ROPN1B: variants seen among roughly 807,000 people sequenced by gnomAD.
ROPN1B encodes the protein ropporin-1B.
Under a neutral mutation model 23.7 loss-of-function variants are expected in ROPN1B, and 13 were observed. That is an observed-to-expected ratio of 0.55 (90% CI 0.36 to 0.87). ROPN1B has a LOEUF of 0.87. Among genes scored for constraint, ROPN1B ranks in the 40% least tolerant of loss-of-function variants. ROPN1B has a pLI of 0.01. For synonymous variants in ROPN1B, 67 were observed against 100.4 expected (o/e 0.67, Z 1.99); for missense variants, 183 against 249.2 (o/e 0.73, Z 1.79).
chr3:125,977,507 C>T (rs1460141451), intron 5 of ROPN1B: 1 of 384,118 alleles, frequency 2.6e-6, no homozygotes, highest in African/African-American at 2.1e-5. Context: ...TAGAAAAAGA[C>T]TTCCAGACAC....
Position 125,975,611 on chromosome 3 carries a change from G to C in ROPN1B, c.165G>C (p.Arg55=). The change falls in exon 4 of 7, where the codon CGG becomes CGC. Residue 55 remains arginine (R), a synonymous_variant. Coordinates refer to ENST00000514116, the MANE Select transcript of ROPN1B (RefSeq NM_001308313.2). ...SRGETPPVRE[R]SERVALCNWA... The stretch of plus-strand genomic sequence containing the variant: ...GAGAGACGCCTCCGGTGAGAGAGCG[G>C]TCTGAGCGAGTCGCTTTGTGTAACT... 6.2e-7 allele frequency: 1 copy of C among 1,614,120 alleles called. No individual in the cohort carries two copies. The highest frequency in any genetic ancestry group is 8.5e-7 in the Non-Finnish European group (1 of 1,180,016).
chr3:125,982,287 C>T lies in ROPN1B; in HGVS notation c.414C>T (p.Leu138=), dbSNP rs777647938. 2 of 1,609,190 alleles carry T rather than the reference C, an allele frequency of 1.2e-6. No individual in the cohort carries two copies. Among genetic ancestry groups the T allele is most frequent in the South Asian group, 1.1e-5 (1 of 89,628 alleles). ...TTTTATAGACTATTACCAAAACTCT[C>T]AAGATAGTGTGTGAGGTCTTATCAT... is the stretch of plus-strand genomic sequence containing the variant. ...SALGVTITKT[L]KIVCEVLSCD... is the part of the protein sequence containing the mutation. Residue 138 remains leucine, a synonymous_variant, in exon 6 of 7, where the codon CTC becomes CTT. Transcript: ENST00000514116.
intron 3 of ROPN1B, chr3:125,972,922 G>A (rs954308606): frequency 1.1e-5 from 4 of 360,832 alleles, no homozygotes; most frequent in Non-Finnish European, 2.2e-5. Context: ...AGTAGATGGA[G>A]CTTACACAAC....
rs752078729 is a variant in ROPN1B at position 125,974,118 on chromosome 3, C to A, written c.117-1445C>A. 1.1e-3 allele frequency among the ~76,000 whole-genome samples: 170 copies of A among 152,326 alleles called. 2 individuals are homozygous for A. Among genetic ancestry groups the A allele is most frequent in the Non-Finnish European group, 1.3e-3 (91 of 68,030 alleles). Reference sequence around the variant, plus strand: ...CACAAGAAGTCCAGAGATGTTGCTGCTGAGTGTTACTCTACCCGGGCAGCA... The same window carrying A: ...CACAAGAAGTCCAGAGATGTTGCTGATGAGTGTTACTCTACCCGGGCAGCA... On this transcript the variant is annotated intron_variant, in intron 3 of 6. Coordinates refer to ENST00000514116, the MANE Select transcript of ROPN1B (RefSeq NM_001308313.2).
At chr3:125,977,492 G>A (rs1425594626) in intron 5 of ROPN1B, 12 of 409,304 alleles carry the variant, frequency 2.9e-5, no homozygotes, top group African/African-American at 8.1e-5. Context: ...ACCAAGAGCC[G>A]ACTGTAGAAA....
chr3:125,972,189 C>T lies in ROPN1B; in HGVS notation c.116+19C>T, dbSNP rs749855283. On this transcript the variant is annotated intron_variant, in intron 3 of 6. Coordinates refer to ENST00000514116, the MANE Select transcript of ROPN1B (RefSeq NM_001308313.2). ...GGGCCGAGTACGTGCTCCTTTCTCG[C>T]CTTCATCTCTTGGAGGACGGGCGGG... The T allele has an allele frequency of 6.2e-7, 1 of 1,613,194 alleles. No homozygotes were observed. Among genetic ancestry groups the T allele is most frequent in the African/African-American group, 1.3e-5 (1 of 75,040 alleles).
chr3:125,975,553 T>A lies in ROPN1B; in HGVS notation c.117-10T>A, dbSNP rs763570520. ...AGGATCCTCCTACTCTCTGACTTTT[T>A]TTCTTGTAGTTATTTTGAGGCCCTG... On this transcript the variant is annotated splice_polypyrimidine_tract_variant and intron_variant, in intron 3 of 6. Coordinates refer to ENST00000514116, the MANE Select transcript of ROPN1B (RefSeq NM_001308313.2). 3 of 1,606,062 alleles carry A rather than the reference T, an allele frequency of 1.9e-6. No homozygotes were observed. In the South Asian group the frequency reaches 3.3e-5, roughly 18 times the overall value.
At chr3:125,974,795 T>C (rs1419691143) in intron 3 of ROPN1B, among the ~76,000 whole-genome samples, 1 of 152,222 alleles carries the variant, frequency 6.6e-6, no homozygotes, top group Non-Finnish European at 1.5e-5. Context: ...GAAACAGTTT[T>C]ATTTTACAGG....
chr3:125,982,462 C>T lies in ROPN1B; in HGVS notation c.572+17C>T. 3 of 1,576,498 alleles carry T rather than the reference C, an allele frequency of 1.9e-6. No individual in the cohort carries two copies. The highest frequency in any genetic ancestry group is 2.6e-6 in the Non-Finnish European group (3 of 1,164,838). On this transcript the variant is annotated intron_variant, in intron 6 of 6. Transcript: ENST00000514116. ...ACAGGAAGTGTAAGTTAACTTTTACCAATTGGAGGTGAAAGAATACCAGGA... is the reference window on the plus strand; with the variant it reads ...ACAGGAAGTGTAAGTTAACTTTTACTAATTGGAGGTGAAAGAATACCAGGA...
chr3:125,978,879 A>G (rs1938514840), intron 5 of ROPN1B, among the ~76,000 whole-genome samples: 1 of 152,156 alleles, frequency 6.6e-6, no homozygotes, highest in Non-Finnish European at 1.5e-5. Flanking sequence ...GACTTTGGAA[A>G]GTCAAATTCC....
intron 3 of ROPN1B, 192 bp from the exon 4 acceptor site, chr3:125,975,371 C>T (rs1938367192): frequency 2.2e-6 from 1 of 463,726 alleles, no homozygotes. Flanking sequence ...ATTCTCTGTG[C>T]CCTAAGTGGA....
intron 5 of ROPN1B, among the ~76,000 whole-genome samples, chr3:125,981,944 A>C (rs1938623192): frequency 6.6e-6 from 1 of 152,250 alleles, no homozygotes; most frequent in South Asian, 2.1e-4. Context: ...AATTCTAATT[A>C]TATAGAATGC....
At position 125,983,453 on chromosome 3, in the gene ROPN1B, A is replaced by G; in HGVS notation, c.*133A>G. On this transcript the variant is annotated 3_prime_UTR_variant, in exon 7 of 7. Transcript: ENST00000514116. ...TAATAAACAAACATGTGAGATCAGA[A>G]ATGTGCGGAATTAAGATGTGAAATT... The G allele has an allele frequency of 1.5e-6, 1 of 652,942 alleles. No homozygotes were observed. Among genetic ancestry groups the G allele is most frequent in the Non-Finnish European group, 2.7e-6 (1 of 368,318 alleles). The allele number at this position is 652,942 out of a possible 1,614,324, so 40.4% of individuals were successfully genotyped here. A position where few individuals can be genotyped will look rare whatever the true frequency, so the allele number is the denominator to read the frequency against.
chr3:125,971,733 A>G (rs1436330616), intron 2 of ROPN1B, among the ~76,000 whole-genome samples: 2 of 152,230 alleles, frequency 1.3e-5, no homozygotes, highest in Admixed American at 6.5e-5. Flanking sequence ...ATATATTTAT[A>G]CTGAAAAATT....
At chr3:125,973,847 A>G (rs1938302962) in intron 3 of ROPN1B, 1 of 153,610 alleles carries the variant, frequency 6.5e-6, no homozygotes, top group African/African-American at 2.4e-5. Flanking sequence ...AAGTGTTTCC[A>G]AGACAAAATA....
intron 4 of ROPN1B, among the ~76,000 whole-genome samples, chr3:125,976,461 T>G (rs1938418350): frequency 6.6e-6 from 1 of 152,164 alleles, no homozygotes; most frequent in Non-Finnish European, 1.5e-5. Flanking sequence ...CTAAAATACC[T>G]GGGATCAAGT....
At chr3:125,976,884 C>G (rs1276481909) in intron 4 of ROPN1B, 120 bp from the exon 5 acceptor site, 1 of 773,082 alleles carries the variant, frequency 1.3e-6, no homozygotes, top group Non-Finnish European at 2.4e-6. Flanking sequence ...CCTAACACCC[C>G]CTCCCGCCCC....
At chr3:125,976,084 T>C (rs1938402783) in intron 4 of ROPN1B, among the ~76,000 whole-genome samples, 1 of 152,206 alleles carries the variant, frequency 6.6e-6, no homozygotes, top group South Asian at 2.1e-4. Flanking sequence ...ACATTGCTTT[T>C]AGCTTTTAGG....
chr3:125,975,738 G>C, intron 4 of ROPN1B, 58 bp downstream of exon 4: 1 of 1,498,732 alleles, frequency 6.7e-7, no homozygotes. Flanking sequence ...GGCTGGGTGG[G>C]TACAGACGAA....
Sources: allele counts gnomAD v4.1 joint callset (sites outside exome capture counted in the v4.1 genomes callset), GRCh38; gene constraint gnomAD v4.1.1; transcripts MANE v1.5; gene names NCBI Gene and HGNC (gene_info 2026-07-23, HGNC 2026-07-21).